IGDCC3: variants seen among roughly 807,000 people sequenced by gnomAD.
The protein encoded by IGDCC3 is immunoglobulin superfamily DCC subclass member 3, also known as putative neuronal cell adhesion molecule.
In IGDCC3, 47 loss-of-function variants were observed where a neutral mutation model predicts 72.0. The observed-to-expected ratio is 0.65, with a 90% confidence interval of 0.52 to 0.83. The LOEUF (loss-of-function observed/expected upper bound fraction) is 0.83, where lower values mean the gene tolerates loss of function less well. IGDCC3 is among the 40% of genes least tolerant of loss of function. The probability of loss-of-function intolerance (pLI) is 0.00; values close to 1 mark genes in which losing one functional copy is unlikely to be tolerated. For missense variants in IGDCC3, 1,038 were observed against 1,091.3 expected (o/e 0.95, Z 0.69); for synonymous variants, 477 against 472.8 (o/e 1.01, Z -0.11).
chr15:65,368,494 C>G (rs1271915340), intron 2 of IGDCC3, among the ~76,000 whole-genome samples: 1 of 152,138 alleles, frequency 6.6e-6, no homozygotes, highest in Non-Finnish European at 1.5e-5. Context: ...GAACCAGAAG[C>G]GTTCGACTTC....
At chr15:65,363,292 C>T (rs569016474) in intron 2 of IGDCC3, among the ~76,000 whole-genome samples, 18 of 152,276 alleles carry the variant, frequency 1.2e-4, no homozygotes, top group African/African-American at 3.6e-4. Context: ...GCTCATATTC[C>T]GGGAATGATG....
intron 2 of IGDCC3, among the ~76,000 whole-genome samples, chr15:65,352,955 C>A (rs2091183501): frequency 6.6e-6 from 1 of 152,170 alleles, no homozygotes; most frequent in Non-Finnish European, 1.5e-5. Flanking sequence ...AACCAGTAAT[C>A]TCTGTCTGCT....
At chr15:65,369,644 A>C (rs2091311006) in intron 2 of IGDCC3, among the ~76,000 whole-genome samples, 1 of 152,156 alleles carries the variant, frequency 6.6e-6, no homozygotes. Flanking sequence ...GGCCTCCCTC[A>C]GTTAAGCGGG....
Position 65,330,364 on chromosome 15 carries a change from G to C in IGDCC3, c.1787C>G (p.Ala596Gly). 1 of 1,614,068 alleles carries C rather than the reference G, an allele frequency of 6.2e-7. No individual in the cohort carries two copies. The highest frequency in any genetic ancestry group is 1.6e-4 in the Middle Eastern group (1 of 6,062). ...ATTGCCATCTCCATGCTGGTTGTAG[G>C]CGAGCAGCTTCACCTCATACACTGC... ...PTAVYEVKLL[A>G]YNQHGDGNAT... is the part of the protein sequence containing the mutation. The change falls in exon 11 of 14, where the codon GCC (alanine) becomes GGC (glycine). Residue 596 changes from alanine to glycine, a missense_variant. Coordinates refer to ENST00000327987, the MANE Select transcript of IGDCC3 (RefSeq NM_004884.4).
chr15:65,367,297 A>C (rs2091292838), intron 2 of IGDCC3, among the ~76,000 whole-genome samples: 1 of 150,462 alleles, frequency 6.6e-6, no homozygotes, highest in African/African-American at 2.5e-5. Flanking sequence ...CAGTGAGCCA[A>C]GATCACCCCA....
chr15:65,329,966 C>T lies in IGDCC3; in HGVS notation c.1859-102G>A. ...CTCTTCCTTCAGCTGCTCCCACTCC[C>T]AAGTGGGAGTGGGAACATCCTTTGA... is the stretch of plus-strand genomic sequence containing the variant. On this transcript the variant is annotated intron_variant, in intron 11 of 13. Coordinates refer to ENST00000327987, the MANE Select transcript of IGDCC3 (RefSeq NM_004884.4). The surrounding 1 kb of genome is among the most constrained non-coding windows in gnomAD (Gnocchi z 4.1). The T allele has an allele frequency of 7.8e-7, 1 of 1,282,352 alleles. No homozygotes were observed. Among genetic ancestry groups the T allele is most frequent in the South Asian group, 1.3e-5 (1 of 79,794 alleles). 79.4% of individuals were successfully genotyped at this position (1,282,352 alleles called of 1,614,324 possible).
intron 7 of IGDCC3, 127 bp downstream of exon 7, chr15:65,331,814 A>C: frequency 7.2e-7 from 1 of 1,385,724 alleles, no homozygotes; most frequent in Admixed American, 2.1e-5. Flanking sequence ...CTCCACCTCA[A>C]TCTCCAGACT....
intron 2 of IGDCC3, among the ~76,000 whole-genome samples, chr15:65,360,504 C>G (rs1035324484): frequency 2.0e-5 from 3 of 152,058 alleles, no homozygotes; most frequent in African/African-American, 4.8e-5. Context: ...TTTTAAGAGA[C>G]CTCAGAAAAT....
At chr15:65,373,717 C>T (rs2091341342) in intron 2 of IGDCC3, 1 of 152,640 alleles carries the variant, frequency 6.6e-6, no homozygotes, top group African/African-American at 2.4e-5. Flanking sequence ...TCAGTTTTCT[C>T]TTCTGTAAAA....
In IGDCC3 at chr15:65,375,165, T is replaced by A; in HGVS notation, c.341A>T (p.Asp114Val). The part of the protein sequence containing the change: ...EPGGSPSDEG[D>V]YECVAQNRFG... ...GCGGTTCTGGGCCACACACTCATAG[T>A]CACCTTCATCCGAAGGGCTGCCTCC... is the stretch of plus-strand genomic sequence containing the variant. The change falls in exon 2 of 14, where the codon GAC (aspartate) becomes GTC (valine). Residue 114 changes from aspartate (D) to valine (V), a missense_variant. By Grantham distance (152) the Asp-to-Val change is radical. Transcript: ENST00000327987. 1 of 1,614,194 alleles carries A rather than the reference T, an allele frequency of 6.2e-7. No individual in the cohort carries two copies. Among genetic ancestry groups the A allele is most frequent in the Non-Finnish European group, 8.5e-7 (1 of 1,180,038 alleles).
At chr15:65,349,670 G>A (rs966073518) in intron 2 of IGDCC3, among the ~76,000 whole-genome samples, 3 of 152,144 alleles carry the variant, frequency 2.0e-5, no homozygotes, top group African/African-American at 7.2e-5. Context: ...ACTGGATGAA[G>A]TCTCCACCTT....
intron 2 of IGDCC3, among the ~76,000 whole-genome samples, chr15:65,370,640 A>G (rs1370542739): frequency 6.9e-6 from 1 of 144,998 alleles, no homozygotes; most frequent in Non-Finnish European, 1.5e-5. Context: ...ATATATATAT[A>G]TATATATAAA....
intron 2 of IGDCC3, among the ~76,000 whole-genome samples, chr15:65,342,857 GTTTT>G (rs900784234): frequency 4.0e-5 from 6 of 150,078 alleles, no homozygotes; most frequent in Non-Finnish European, 7.4e-5. Flanking sequence ...GTGTTTGTTT[GTTTT>G]TTTTTGTTTG....
At chr15:65,330,936 G>A (rs551399161) in intron 9 of IGDCC3, 114 bp downstream of exon 9, 9 of 1,268,150 alleles carry the variant, frequency 7.1e-6, no homozygotes, top group Middle Eastern at 2.0e-4. Flanking sequence ...AGCCCTGACA[G>A]CCTCAGGGCC....
Position 65,335,386 on chromosome 15 carries a change from G to A in IGDCC3, c.590C>T (p.Thr197Ile). The A allele has an allele frequency of 1.9e-6, 3 of 1,613,704 alleles. No individual in the cohort carries two copies. The highest frequency in any genetic ancestry group is 2.5e-6 in the Non-Finnish European group (3 of 1,179,814). ...TLLPKGVLQITGLRAEDGGIF... is the reference protein window; with the variant it reads ...TLLPKGVLQIIGLRAEDGGIF... The stretch of plus-strand genomic sequence containing the variant: ...GCCACCGTCCTCAGCTCGAAGTCCT[G>A]TGATCTGCAGGACCCCCTTGGGCAG... The change falls in exon 4 of 14, where the codon ACA becomes ATA. Residue 197 changes from threonine to isoleucine, a missense_variant. By Grantham distance (89) the Thr-to-Ile change is moderately conservative. Coordinates refer to ENST00000327987, the MANE Select transcript of IGDCC3 (RefSeq NM_004884.4).
chr15:65,356,735 G>A (rs932405050), intron 2 of IGDCC3, among the ~76,000 whole-genome samples: 4 of 151,850 alleles, frequency 2.6e-5, no homozygotes, highest in Admixed American at 1.3e-4. Flanking sequence ...TCAAGATCAG[G>A]AAGTGTCTTA....
intron 2 of IGDCC3, among the ~76,000 whole-genome samples, chr15:65,362,053 A>G (rs1043922830): frequency 6.6e-6 from 1 of 151,974 alleles, no homozygotes; most frequent in Non-Finnish European, 1.5e-5. Context: ...GAGAATGACA[A>G]GAGCGCTATT....
intron 2 of IGDCC3, among the ~76,000 whole-genome samples, chr15:65,361,994 G>A (rs921808069): frequency 1.3e-5 from 2 of 152,174 alleles, no homozygotes; most frequent in Admixed American, 6.5e-5. Context: ...GGACACGTGC[G>A]CGGGCAGGAG....
At chr15:65,345,580 G>GCA (rs796545964) in intron 2 of IGDCC3, among the ~76,000 whole-genome samples, 36 of 145,778 alleles carry the variant, frequency 2.5e-4, no homozygotes, top group African/African-American at 9.0e-4. Flanking sequence ...ACACACACAC[G>GCA]CACACACACG....
Sources: gnomAD v4.1 joint callset for allele counts (sites outside exome capture counted in the v4.1 genomes callset) on GRCh38, gnomAD v4.1.1 for gene constraint, Gnocchi (gnomAD v3.1) non-coding constraint, MANE v1.5 for transcripts, NCBI Gene and HGNC (gene_info 2026-07-23, HGNC 2026-07-21) for gene names.